Variants in CORO1C observed in about 807,000 individuals in gnomAD.
CORO1C encodes the protein coronin 1C.
In CORO1C, 14 loss-of-function variants were observed where a neutral mutation model predicts 51.2. The observed-to-expected ratio is 0.27, with a 90% CI of 0.18 to 0.43. The LOEUF (loss-of-function observed/expected upper bound fraction) is 0.43, where lower values mean the gene tolerates loss of function less well. CORO1C is among the 20% of genes least tolerant of loss of function. CORO1C has a pLI of 1.00. For missense variants in CORO1C, 417 were observed against 607.8 expected, an observed-to-expected ratio of 0.69 and a Z score of 3.30; for synonymous variants, 181 against 210.5, an observed-to-expected ratio of 0.86 and a Z score of 1.21.
chr12:108,698,149 C>G (rs2034749990), intron 2 of CORO1C, among the ~76,000 whole-genome samples: 1 of 152,218 alleles, frequency 6.6e-6, no homozygotes, highest in Non-Finnish European at 1.5e-5. Flanking sequence ...ACTACCTAGG[C>G]ACATGACTGT....
intron 1 of CORO1C, among the ~76,000 whole-genome samples, chr12:108,704,182 TA>T (rs745415066): frequency 1.3e-5 from 2 of 152,128 alleles, no homozygotes; most frequent in Non-Finnish European, 2.9e-5. Context: ...TAAACTACCT[TA>T]AAAAGTGATT....
intron 3 of CORO1C, among the ~76,000 whole-genome samples, chr12:108,669,565 G>A (rs2033631658): frequency 6.7e-6 from 1 of 150,000 alleles, no homozygotes; most frequent in African/African-American, 2.4e-5. Context: ...GGATCTCCTT[G>A]ATATCCTTCT....
intron 2 of CORO1C, among the ~76,000 whole-genome samples, chr12:108,683,125 T>C (rs2034179852): frequency 6.6e-6 from 1 of 151,902 alleles, no homozygotes; most frequent in Non-Finnish European, 1.5e-5. Context: ...GAATGTAAAA[T>C]TATTAGAAAA....
intron 1 of CORO1C, among the ~76,000 whole-genome samples, chr12:108,727,296 G>A (rs2035616537): frequency 6.6e-6 from 1 of 152,244 alleles, no homozygotes; most frequent in Non-Finnish European, 1.5e-5. Flanking sequence ...CCTGTGAGAT[G>A]AGGAAGTTTT....
chr12:108,672,411 G>A (rs1341487992), intron 3 of CORO1C, among the ~76,000 whole-genome samples: 2 of 152,128 alleles, frequency 1.3e-5, no homozygotes, highest in African/African-American at 4.8e-5. Flanking sequence ...GTTTTTTAAC[G>A]ATTTTCAGTA....
chr12:108,678,473 T>C, intron 2 of CORO1C, 79 bp from the exon 3 acceptor site: 2 of 1,212,572 alleles, frequency 1.6e-6, no homozygotes, highest in Non-Finnish European at 2.2e-6. Flanking sequence ...CCATTTCTCA[T>C]TTATTACCTC....
rs1427212967 is a variant in CORO1C, at chr12:108,678,313, C to T, written c.277G>A (p.Asp93Asn). The change falls in exon 3 of 11, where the codon GAT becomes AAT. Residue 93 changes from aspartate (D) to asparagine (N), a missense_variant. Physicochemically the swap from Asp to Asn is conservative, Grantham distance 23. Transcript: ENST00000261401. ...VLDIDWCPHN[D>N]QVIASGSEDC... is the part of the protein sequence containing the mutation. ...TCTGAACCGCTGGCAATGACCTGATCGTTATGTGGGCACCAGTCTATGTCC... is the reference window on the plus strand; with the variant it reads ...TCTGAACCGCTGGCAATGACCTGATTGTTATGTGGGCACCAGTCTATGTCC... The T allele has an allele frequency of 6.2e-7, 1 of 1,613,286 alleles. No individual in the cohort carries two copies. Among genetic ancestry groups the T allele is most frequent in the Admixed American group, 1.7e-5 (1 of 59,916 alleles).
At chr12:108,680,120 C>T (rs906173719) in intron 2 of CORO1C, among the ~76,000 whole-genome samples, 3 of 152,162 alleles carry the variant, frequency 2.0e-5, no homozygotes, top group Non-Finnish European at 2.9e-5. Flanking sequence ...GAGATACAGA[C>T]GTGAACAAGG....
chr12:108,716,062 C>T (rs1055347004), intron 1 of CORO1C, among the ~76,000 whole-genome samples: 26 of 124,400 alleles, frequency 2.1e-4, no homozygotes, highest in African/African-American at 7.7e-4. Context: ...ACCCGGAAGT[C>T]GGAGGTTGCA....
At chr12:108,691,294 T>C (rs1361752811) in intron 2 of CORO1C, among the ~76,000 whole-genome samples, 1 of 152,196 alleles carries the variant, frequency 6.6e-6, no homozygotes, top group East Asian at 1.9e-4. Flanking sequence ...CCACCCCTAA[T>C]GGGCGAAGAT....
intron 3 of CORO1C, among the ~76,000 whole-genome samples, chr12:108,674,443 AG>A (rs370912136): frequency 0.057 from 8,646 of 151,288 alleles, 508 homozygotes; most frequent in East Asian, 0.32. Context: ...AGCTACTCGG[AG>A]GGCTGAGGCA....
chr12:108,673,113 T>C (rs922106198), intron 3 of CORO1C, among the ~76,000 whole-genome samples: 2 of 152,208 alleles, frequency 1.3e-5, no homozygotes, highest in Non-Finnish European at 2.9e-5. Context: ...GAGGAAGCCA[T>C]GTTGAAAGCT....
chr12:108,689,509 T>C (rs1592908013), intron 2 of CORO1C, among the ~76,000 whole-genome samples: 1 of 152,310 alleles, frequency 6.6e-6, no homozygotes, highest in East Asian at 1.9e-4. Context: ...TTCAGACTGC[T>C]TTCTACACGG....
chr12:108,683,706 T>C (rs929737982), intron 2 of CORO1C, among the ~76,000 whole-genome samples: 2 of 152,114 alleles, frequency 1.3e-5, no homozygotes, highest in Non-Finnish European at 2.9e-5. Flanking sequence ...ATTAGATCCA[T>C]AACCATAAAA....
chr12:108,646,425 G>C lies in CORO1C; in HGVS notation c.*978C>G, dbSNP rs1338193763. ...CAAGAGCTGGGCAAGCTGCTGAAAAGGGCAAGAAGGAACACTCAGCAGTAC... is the reference window on the plus strand; with the variant it reads ...CAAGAGCTGGGCAAGCTGCTGAAAACGGCAAGAAGGAACACTCAGCAGTAC... On this transcript the variant is annotated 3_prime_UTR_variant, in exon 11 of 11. Transcript: ENST00000261401. The C allele has an allele frequency of 6.6e-6, 1 of 152,248 alleles. No individual in the cohort carries two copies. Among genetic ancestry groups the C allele is most frequent in the Non-Finnish European group, 1.5e-5 (1 of 68,106 alleles). 9.4% of individuals were successfully genotyped at this position (152,248 alleles called of 1,614,324 possible). A position where few individuals can be genotyped will look rare whatever the true frequency, so the allele number is the denominator to read the frequency against.
intron 3 of CORO1C, among the ~76,000 whole-genome samples, chr12:108,672,973 A>C (rs2033773939): frequency 6.6e-6 from 1 of 152,122 alleles, no homozygotes; most frequent in Non-Finnish European, 1.5e-5. Flanking sequence ...GGGCCTCCCT[A>C]TTATCTGAGA....
Position 108,648,859 on chromosome 12 carries a change from G to A in CORO1C, c.1060-9C>T. 3 of 1,614,106 alleles carry A rather than the reference G, an allele frequency of 1.9e-6. No individual in the cohort carries two copies. Among genetic ancestry groups the A allele is most frequent in the African/African-American group, 1.3e-5 (1 of 75,046 alleles). ...TCTTGGAAAAGGTCAGACTACAAGAGACATTTGGCACCCGTGGGTAAGGAA... is the reference window on the plus strand; with the variant it reads ...TCTTGGAAAAGGTCAGACTACAAGAAACATTTGGCACCCGTGGGTAAGGAA... On this transcript the variant is annotated splice_polypyrimidine_tract_variant and intron_variant, in intron 9 of 10. Transcript: ENST00000261401.
chr12:108,721,939 G>A (rs2035483215), intron 1 of CORO1C, among the ~76,000 whole-genome samples: 1 of 152,040 alleles, frequency 6.6e-6, no homozygotes, highest in South Asian at 2.1e-4. Context: ...AGATCAGAAA[G>A]TATTTTGAAA....
At position 108,658,692 on chromosome 12, in the gene CORO1C, C is replaced by A; in HGVS notation, c.630+46G>T. 1 of 1,583,594 alleles carries A rather than the reference C, an allele frequency of 6.3e-7. No homozygotes were observed. Among genetic ancestry groups the A allele is most frequent in the South Asian group, 1.1e-5 (1 of 89,922 alleles). ...CCTTAAAAAGCAGAAAGCTCACACT[C>A]ACTCAAGTGCTCCAACTACTGAGTT... is the stretch of plus-strand genomic sequence containing the variant. On this transcript the variant is annotated intron_variant, in intron 5 of 10. Transcript: ENST00000261401. The surrounding 1 kb of genome is among the most constrained non-coding windows in gnomAD (Gnocchi z 4.9).
Sources: allele counts gnomAD v4.1 joint callset (sites outside exome capture counted in the v4.1 genomes callset), GRCh38; gene constraint gnomAD v4.1.1; non-coding constraint Gnocchi (gnomAD v3.1); transcripts MANE v1.5; gene names NCBI Gene and HGNC (gene_info 2026-07-23, HGNC 2026-07-21).